LAMA2: variants seen among roughly 807,000 people sequenced by gnomAD.
The protein encoded by LAMA2 is laminin subunit alpha 2.
LAMA2 carries 269 observed loss-of-function variants against 364.8 expected under a neutral mutation model. The observed-to-expected ratio is 0.74, with a 90% CI of 0.67 to 0.82. The LOEUF (loss-of-function observed/expected upper bound fraction) is 0.82, where lower values mean the gene tolerates loss of function less well. Ranked by LOEUF, LAMA2 falls within the 40% of genes least tolerant of loss-of-function variation. LAMA2 has a pLI of 0.00. For missense variants in LAMA2, 3,807 were observed against 3,873.2 expected (o/e 0.98, Z 0.45); for synonymous variants, 1,379 against 1,370.6 (o/e 1.01, Z -0.14).
chr6:129,514,792 G>T (rs1786904639), intron 64 of LAMA2, among the ~76,000 whole-genome samples, 197 bp downstream of exon 64: 1 of 152,128 alleles, frequency 6.6e-6, no homozygotes, highest in African/African-American at 2.4e-5. Flanking sequence ...AACCACATGG[G>T]ACTGAACTTT....
At chr6:129,447,842 G>A (rs1782468115) in intron 45 of LAMA2, among the ~76,000 whole-genome samples, 1 of 152,178 alleles carries the variant, frequency 6.6e-6, no homozygotes, top group South Asian at 2.1e-4. Context: ...CTCACATTTA[G>A]CCACATTTTC....
At position 129,278,290 on chromosome 6, in the gene LAMA2, TA is replaced by T. The variant is rs1261003346; in HGVS notation, c.2451-1765del. Among the ~76,000 whole-genome samples, 7 of 152,328 alleles carry T rather than the reference TA, an allele frequency of 4.6e-5. No individual in the cohort carries two copies. The East Asian group carries it at 1.2e-3, about 25-fold the overall frequency. ...GTTATGATAAACTGATTTAGGATTATAAAAAACAATTGGTATGGTTTTCTTT... is the reference window on the plus strand; with the variant it reads ...GTTATGATAAACTGATTTAGGATTATAAAAACAATTGGTATGGTTTTCTTT... On this transcript the variant is annotated intron_variant, in intron 17 of 64. Coordinates refer to ENST00000421865, the MANE Select transcript of LAMA2 (RefSeq NM_000426.4).
chr6:129,333,957 G>A (rs1051039634), intron 29 of LAMA2, among the ~76,000 whole-genome samples: 1 of 152,064 alleles, frequency 6.6e-6, no homozygotes, highest in East Asian at 1.9e-4. Flanking sequence ...CCTAGATGAA[G>A]TAAAAAATAA....
chr6:129,144,209 G>A lies in LAMA2; in HGVS notation c.819+129G>A, dbSNP rs1659084772. 5 of 642,494 alleles carry A rather than the reference G, an allele frequency of 7.8e-6. No homozygotes were observed. In the East Asian group the frequency reaches 8.6e-5, roughly 11 times the overall value. 39.8% of individuals were successfully genotyped at this position (642,494 alleles called of 1,614,324 possible). ...ATTATCAAATTTTTATTTTAGAATT[G>A]TAGATTATTATTATTATTATTATTT... On this transcript the variant is annotated intron_variant, in intron 5 of 64. Transcript: ENST00000421865.
intron 3 of LAMA2, among the ~76,000 whole-genome samples, chr6:129,069,845 AATTAT>A (rs1417983375): frequency 2.8e-4 from 30 of 105,654 alleles, no homozygotes; most frequent in African/African-American, 7.4e-4. Context: ...AATTATATAC[AATTAT>A]ATTAATTATA....
chr6:128,903,367 G>A (rs1191901276), intron 1 of LAMA2, among the ~76,000 whole-genome samples: 1 of 152,088 alleles, frequency 6.6e-6, no homozygotes, highest in Non-Finnish European at 1.5e-5. Flanking sequence ...TGTACATTCT[G>A]TATTAAAATG....
At chr6:129,080,943 CAT>C (rs1774010237) in intron 3 of LAMA2, among the ~76,000 whole-genome samples, 1 of 152,128 alleles carries the variant, frequency 6.6e-6, no homozygotes, top group African/African-American at 2.4e-5. Flanking sequence ...CACATGCACA[CAT>C]ATGTTTATTG....
At position 129,316,048 on chromosome 6, in the gene LAMA2, A is replaced by T. The variant is rs777467182; in HGVS notation, c.3935A>T (p.Lys1312Ile). Reference protein sequence around the residue: ...HEIEMTEKEWKYYGDDPRVHR... With the variant: ...HEIEMTEKEWIYYGDDPRVHR... ...TCTTCTTGTTAACAGAAAGAATGGA[A>T]ATATTATGGGGATGATCCTCGAGTC... Residue 1312 changes from lysine to isoleucine, a missense_variant, in exon 27 of 65, where the codon AAA becomes ATA. Physicochemically the swap from Lys to Ile is moderately radical, Grantham distance 102 (BLOSUM62 -3). This residue lies in a region of LAMA2 where 3,333 missense variants were observed against 3,345.7 expected (regional missense o/e 1.00). Coordinates refer to ENST00000421865, the MANE Select transcript of LAMA2 (RefSeq NM_000426.4). The T allele has an allele frequency of 6.2e-7, 1 of 1,614,048 alleles. No homozygotes were observed. The highest frequency in any genetic ancestry group is 8.5e-7 in the Non-Finnish European group (1 of 1,179,944).
intron 1 of LAMA2, among the ~76,000 whole-genome samples, chr6:128,925,299 T>C (rs948239976): frequency 3.3e-5 from 5 of 152,206 alleles, no homozygotes; most frequent in African/African-American, 1.2e-4. Context: ...TAAAATGTTG[T>C]GCATGTATAC....
intron 51 of LAMA2, among the ~76,000 whole-genome samples, chr6:129,466,267 T>C (rs571931049): frequency 1.3e-5 from 2 of 152,008 alleles, no homozygotes; most frequent in South Asian, 4.1e-4. Context: ...GTGATAGAGA[T>C]GTATGTAGCC....
At chr6:129,040,810 C>CA (rs1330920446) in intron 1 of LAMA2, among the ~76,000 whole-genome samples, 1 of 151,910 alleles carries the variant, frequency 6.6e-6, no homozygotes, top group African/African-American at 2.4e-5. Context: ...GCTTCACTTG[C>CA]AAAAAGGAGT....
At chr6:128,934,846 G>A (rs1779714587) in intron 1 of LAMA2, among the ~76,000 whole-genome samples, 2 of 151,964 alleles carry the variant, frequency 1.3e-5, no homozygotes, top group Admixed American at 6.5e-5. Flanking sequence ...CCATTGAAAT[G>A]TTGAGTGACT....
intron 1 of LAMA2, among the ~76,000 whole-genome samples, chr6:128,962,131 C>G (rs1161205729): frequency 9.5e-6 from 1 of 105,636 alleles, no homozygotes; most frequent in Non-Finnish European, 1.9e-5. Flanking sequence ...TGATGTCATC[C>G]TCTGGACCAT....
intron 12 of LAMA2, among the ~76,000 whole-genome samples, chr6:129,227,480 T>C (rs972290145): frequency 2.0e-5 from 3 of 152,236 alleles, no homozygotes; most frequent in Admixed American, 2.0e-4. Context: ...CTTTGGTCTT[T>C]GATGATGATG....
chr6:129,285,373 A>C (rs1247282483), intron 18 of LAMA2, among the ~76,000 whole-genome samples: 1 of 152,164 alleles, frequency 6.6e-6, no homozygotes, highest in Non-Finnish European at 1.5e-5. Flanking sequence ...TCCTGCAAGA[A>C]AAAATAAATA....
chr6:128,900,565 C>G (rs1027810829), intron 1 of LAMA2, among the ~76,000 whole-genome samples: 1 of 151,984 alleles, frequency 6.6e-6, no homozygotes, highest in African/African-American at 2.4e-5. Flanking sequence ...AATTTCTACT[C>G]AACGATAGAA....
At chr6:129,351,026 G>T (rs1776823799) in intron 31 of LAMA2, among the ~76,000 whole-genome samples, 1 of 151,954 alleles carries the variant, frequency 6.6e-6, no homozygotes, top group African/African-American at 2.4e-5. Flanking sequence ...TACATCTTTT[G>T]GATATAGATA....
At chr6:129,427,930 G>T (rs1781405801) in intron 41 of LAMA2, 76 bp downstream of exon 41, 9 of 906,960 alleles carry the variant, frequency 9.9e-6, no homozygotes, top group Middle Eastern at 2.1e-4. Context: ...CACACTATTG[G>T]AGAATGTAAT....
At chr6:129,064,719 A>T (rs1789176764) in intron 3 of LAMA2, among the ~76,000 whole-genome samples, 1 of 152,220 alleles carries the variant, frequency 6.6e-6, no homozygotes, top group Non-Finnish European at 1.5e-5. Context: ...AATCATGAAG[A>T]AATAGATAAC....
Sources: allele counts gnomAD v4.1 joint callset (sites outside exome capture counted in the v4.1 genomes callset), GRCh38; gene constraint gnomAD v4.1.1; regional missense constraint gnomAD v4.1.1; transcripts MANE v1.5; gene names NCBI Gene and HGNC (gene_info 2026-07-23, HGNC 2026-07-21).